SUPT3H: variants seen among roughly 807,000 people sequenced by gnomAD.
The protein encoded by SUPT3H is SPT3 homolog, SAGA and STAGA complex component.
A neutral mutation model predicts 44.3 loss-of-function variants in SUPT3H; 44 were observed. That is an observed-to-expected ratio of 0.99 (90% CI 0.78 to 1.28). The LOEUF is 1.28. Ranked by LOEUF, SUPT3H falls within the 50% of genes most tolerant of loss-of-function variation. The pLI is 0.00. For missense variants in SUPT3H, 380 were observed against 387.1 expected (o/e 0.98, Z 0.15); for synonymous variants, 124 against 125.6 (o/e 0.99, Z 0.09).
Position 45,262,001 on chromosome 6 carries a change from C to T in SUPT3H, c.101+103200G>A, listed in dbSNP as rs182721363. Among the ~76,000 whole-genome samples, 12 of 152,000 alleles carry T rather than the reference C, an allele frequency of 7.9e-5. No individual in the cohort carries two copies. In the East Asian group the frequency reaches 2.1e-3, roughly 27 times the overall value. On this transcript the variant is annotated intron_variant, in intron 2 of 10. Coordinates refer to ENST00000371459, the MANE Select transcript of SUPT3H (RefSeq NM_003599.4). Reference sequence around the variant, plus strand: ...AATACCCACAAATAGCATCAAATACCCAGGAATACAGCAAACCAAGGAGGT... The same window carrying T: ...AATACCCACAAATAGCATCAAATACTCAGGAATACAGCAAACCAAGGAGGT...
At chr6:45,070,687 A>G (rs1238452606) in intron 3 of SUPT3H, among the ~76,000 whole-genome samples, 1 of 135,146 alleles carries the variant, frequency 7.4e-6, no homozygotes, top group Non-Finnish European at 1.5e-5. Context: ...GTGAGCTGAG[A>G]TTGCACCACT....
intron 8 of SUPT3H, among the ~76,000 whole-genome samples, chr6:44,954,003 G>A (rs1003988450): frequency 1.3e-5 from 2 of 152,146 alleles, no homozygotes; most frequent in African/African-American, 4.8e-5. Context: ...CTCCCAAAGT[G>A]TTGGGATTAC....
intron 2 of SUPT3H, among the ~76,000 whole-genome samples, chr6:45,170,384 A>G (rs1051971520): frequency 2.6e-5 from 4 of 152,180 alleles, no homozygotes; most frequent in South Asian, 2.1e-4. Context: ...AATTTTCCTC[A>G]GTCTACAAAT....
rs1562384165 is a variant in SUPT3H at position 45,067,400 on chromosome 6, T to C, written c.186+38522A>G. ...GGCATTACCCTTCAGGACATAGGCA[T>C]GGGCAAGGACTTCATTTCCAAAACA... On this transcript the variant is annotated intron_variant, in intron 3 of 10. Coordinates refer to ENST00000371459, the MANE Select transcript of SUPT3H (RefSeq NM_003599.4). Among the ~76,000 whole-genome samples the C allele has an allele frequency of 1.6e-5, 2 of 127,062 alleles. 1 individual carries two copies. Among genetic ancestry groups the C allele is most frequent in the South Asian group, 5.1e-4 (2 of 3,932 alleles). 83.4% of individuals were successfully genotyped at this position (127,062 alleles called of 152,430 possible). A position where few individuals can be genotyped will look rare whatever the true frequency, so the allele number is the denominator to read the frequency against.
intron 2 of SUPT3H, among the ~76,000 whole-genome samples, chr6:45,357,908 A>T (rs1310099880): frequency 6.6e-6 from 1 of 152,102 alleles, no homozygotes; most frequent in African/African-American, 2.4e-5. Flanking sequence ...TATATATATA[A>T]ATACATTCAC....
chr6:45,220,695 G>C (rs1258795341), intron 2 of SUPT3H, among the ~76,000 whole-genome samples: 3 of 152,074 alleles, frequency 2.0e-5, no homozygotes, highest in Non-Finnish European at 4.4e-5. Flanking sequence ...ATCTACAAAA[G>C]CCTCCTGGAA....
At chr6:45,197,234 CA>C (rs1376138363) in intron 2 of SUPT3H, among the ~76,000 whole-genome samples, 1 of 151,356 alleles carries the variant, frequency 6.6e-6, no homozygotes, top group Admixed American at 6.6e-5. Context: ...ACTGAATGAA[CA>C]AATAATCAAG....
In SUPT3H at chr6:44,946,234, G is replaced by A. The variant is rs570570660; in HGVS notation, c.801+7076C>T. On this transcript the variant is annotated intron_variant, in intron 9 of 10. Transcript: ENST00000371459. Reference sequence around the variant, plus strand: ...ATCTGGTCACCCAAGAGCTCTGCTGGAGAAGTACAAAAAGATGAACACTGT... The same window carrying A: ...ATCTGGTCACCCAAGAGCTCTGCTGAAGAAGTACAAAAAGATGAACACTGT... 1.1e-4 allele frequency among the ~76,000 whole-genome samples: 17 copies of A among 152,272 alleles called. 1 individual carries two copies. In the South Asian group the frequency reaches 3.5e-3, roughly 32 times the overall value.
intron 2 of SUPT3H, among the ~76,000 whole-genome samples, chr6:45,315,922 C>CAGATAGAT (rs59633405): frequency 0.093 from 13,457 of 145,456 alleles, 673 homozygotes; most frequent in African/African-American, 0.13. Flanking sequence ...CTCAGATAGA[C>CAGATAGAT]AGATAGATAG....
chr6:44,880,682 G>T (rs1430509878), intron 10 of SUPT3H, among the ~76,000 whole-genome samples: 2 of 152,188 alleles, frequency 1.3e-5, no homozygotes, highest in Non-Finnish European at 2.9e-5. Flanking sequence ...CAGAGAGTAA[G>T]AAAGGGTTAC....
chr6:45,114,384 TAGAAC>T (rs1402838738), intron 2 of SUPT3H, among the ~76,000 whole-genome samples: 1 of 152,080 alleles, frequency 6.6e-6, no homozygotes, highest in South Asian at 2.1e-4. Flanking sequence ...GAAAAAAACT[TAGAAC>T]AGAATCACGA....
intron 2 of SUPT3H, among the ~76,000 whole-genome samples, chr6:45,124,265 T>TAAA (rs71536350): frequency 1.5e-4 from 22 of 151,300 alleles, no homozygotes; most frequent in African/African-American, 4.6e-4. Flanking sequence ...GTTCCACTGT[T>TAAA]AAAAAAAAAC....
intron 10 of SUPT3H, among the ~76,000 whole-genome samples, chr6:44,848,125 T>G (rs1702705357): frequency 7.8e-6 from 1 of 128,336 alleles, no homozygotes; most frequent in Admixed American, 8.3e-5. Flanking sequence ...GCCACCACAC[T>G]CAGCTAATTT....
At chr6:45,255,526 C>G (rs1265829124) in intron 2 of SUPT3H, among the ~76,000 whole-genome samples, 1 of 149,996 alleles carries the variant, frequency 6.7e-6, no homozygotes. Context: ...TACTCAAGCA[C>G]TCCTGCCACC....
chr6:44,974,927 T>C (rs1055216681), intron 6 of SUPT3H, among the ~76,000 whole-genome samples: 1 of 152,166 alleles, frequency 6.6e-6, no homozygotes, highest in Non-Finnish European at 1.5e-5. Flanking sequence ...GACCAGTTTA[T>C]TGGGAGGCCG....
At chr6:44,978,615 C>T (rs1030219188) in intron 6 of SUPT3H, among the ~76,000 whole-genome samples, 1 of 152,134 alleles carries the variant, frequency 6.6e-6, no homozygotes. Flanking sequence ...AGTTTGTAGG[C>T]TTTAAGTGGG....
At chr6:44,888,307 A>C (rs1188069902) in intron 10 of SUPT3H, among the ~76,000 whole-genome samples, 2 of 152,168 alleles carry the variant, frequency 1.3e-5, no homozygotes, top group African/African-American at 2.4e-5. Flanking sequence ...GCAGAGACAC[A>C]ACAAAAAAAG....
chr6:45,071,146 C>T (rs935013535), intron 3 of SUPT3H, among the ~76,000 whole-genome samples: 2 of 152,006 alleles, frequency 1.3e-5, no homozygotes, highest in South Asian at 2.1e-4. Context: ...TCATTTCAGG[C>T]AGGTTCCTAT....
At chr6:44,922,397 T>C (rs1408842918) in intron 10 of SUPT3H, among the ~76,000 whole-genome samples, 1 of 152,226 alleles carries the variant, frequency 6.6e-6, no homozygotes, top group Non-Finnish European at 1.5e-5. Context: ...GGATTAACTT[T>C]GCAGCTACAT....
Sources: gnomAD v4.1 joint callset for allele counts (sites outside exome capture counted in the v4.1 genomes callset) on GRCh38, gnomAD v4.1.1 for gene constraint, MANE v1.5 for transcripts, NCBI Gene and HGNC (gene_info 2026-07-23, HGNC 2026-07-21) for gene names.